Variants in HEATR4 observed in about 807,000 individuals in gnomAD.
HEATR4 encodes HEAT repeat-containing protein 4.
In HEATR4, 95 loss-of-function variants were observed where a neutral mutation model predicts 108.8. That is an observed-to-expected ratio of 0.87 (90% CI 0.74 to 1.04). The LOEUF (loss-of-function observed/expected upper bound fraction) is 1.04. HEATR4 is among the 50% of genes least tolerant of loss of function. HEATR4 has a pLI of 0.00. For synonymous variants in HEATR4, 443 were observed against 459.4 expected (o/e 0.96, Z 0.46); for missense variants, 1,152 against 1,253.8 (o/e 0.92, Z 1.23).
At chr14:73,579,807 C>G in the HEATR4 span, among the ~76,000 whole-genome samples, 1 of 151,926 alleles carries the variant, frequency 6.6e-6, no homozygotes, top group Non-Finnish European at 1.5e-5. Flanking sequence ...AAGTGTATAA[C>G]ATGGACCAGG....
the HEATR4 span, chr14:73,612,659 C>A: frequency 7.1e-7 from 1 of 1,410,608 alleles, no homozygotes; most frequent in Non-Finnish European, 9.2e-7. Context: ...GGCCCCGGAG[C>A]AGCCAGTCAC....
At chr14:73,519,309 C>T (rs1887828539) in intron 4 of HEATR4, 146 bp from the exon 5 acceptor site, 1 of 649,930 alleles carries the variant, frequency 1.5e-6, no homozygotes, top group African/African-American at 1.8e-5. Flanking sequence ...CTGGGGCATC[C>T]CTTGAAGGTG....
the HEATR4 span, chr14:73,596,477 ACACAGCGAGACCCCGTTTC>A: frequency 6.6e-6 from 1 of 152,104 alleles, no homozygotes; most frequent in Admixed American, 6.6e-5. Flanking sequence ...AGCCCAGGTA[ACACAGCGAGACCCCGTTTC>A]AAAAGAAAAA....
At chr14:73,580,067 C>T in the HEATR4 span, among the ~76,000 whole-genome samples, 6 of 151,982 alleles carry the variant, frequency 3.9e-5, no homozygotes, top group Admixed American at 3.9e-4. Flanking sequence ...TACTGCACTC[C>T]AGCCTGGACA....
At chr14:73,508,014 G>T (rs1285243846) in intron 9 of HEATR4, 120 bp downstream of exon 9, 4 of 921,472 alleles carry the variant, frequency 4.3e-6, no homozygotes, top group Non-Finnish European at 6.8e-6. Flanking sequence ...CCGAAGTGTT[G>T]GGATTACAGG....
At chr14:73,615,807 T>C in the HEATR4 span, among the ~76,000 whole-genome samples, 1 of 151,992 alleles carries the variant, frequency 6.6e-6, no homozygotes, top group African/African-American at 2.4e-5. Context: ...ATCCCAGCAC[T>C]TGAAGAGGCC....
rs144082393 is a variant in HEATR4 at position 73,514,563 on chromosome 14, C to T, written c.1211-329G>A. The stretch of plus-strand genomic sequence containing the variant: ...GGAACATAAATATGTTTATATGTAA[C>T]GAGATTTGCTCATAATATTTGATAC... On this transcript the variant is annotated intron_variant, in intron 5 of 17. Transcript: ENST00000553558. Among the ~76,000 whole-genome samples the T allele has an allele frequency of 3.5e-3, 527 of 152,186 alleles. 3 individuals carry two copies. Among genetic ancestry groups the T allele is most frequent in the African/African-American group, 0.012 (495 of 41,524 alleles).
the HEATR4 span, among the ~76,000 whole-genome samples, chr14:73,615,088 C>CA: frequency 0.52 from 72,719 of 141,122 alleles, 18,864 homozygotes; most frequent in East Asian, 0.84. Flanking sequence ...GACTCCATCT[C>CA]AAAAAAAAAA....
At chr14:73,598,217 C>CAAAAAAAAAAAAA in the HEATR4 span, among the ~76,000 whole-genome samples, 13 of 54,872 alleles carry the variant, frequency 2.4e-4, no homozygotes, top group East Asian at 1.1e-3. Context: ...ACTAAAAATA[C>CAAAAAAAAAAAAA]AAAAAAAAAA....
intron 17 of HEATR4, chr14:73,491,473 G>A: frequency 1.3e-6 from 2 of 1,491,044 alleles, no homozygotes; most frequent in Non-Finnish European, 1.8e-6. Context: ...TGTGCACCGC[G>A]CAACACTTAG....
chr14:73,491,003 T>C, intron 17 of HEATR4: 1 of 1,388,502 alleles, frequency 7.2e-7, no homozygotes. Flanking sequence ...CGGGGAAGAC[T>C]GGTGTGGTCT....
intron 1 of HEATR4, 51 bp downstream of exon 1, chr14:73,558,700 A>G (rs1405460242): frequency 6.6e-6 from 1 of 151,416 alleles, no homozygotes; most frequent in African/African-American, 2.4e-5. Context: ...CCCAGAGAGA[A>G]GAGAAATCAT....
chr14:73,576,428 T>G, the HEATR4 span, among the ~76,000 whole-genome samples: 1 of 152,020 alleles, frequency 6.6e-6, no homozygotes, highest in Non-Finnish European at 1.5e-5. Context: ...TATGGACTTT[T>G]AGGATTTGTT....
the HEATR4 span, among the ~76,000 whole-genome samples, chr14:73,605,077 AAAT>A: frequency 2.0e-5 from 3 of 152,110 alleles, no homozygotes; most frequent in African/African-American, 7.2e-5. Flanking sequence ...AAACGGAGAA[AAAT>A]AATTCAGTTA....
intron 17 of HEATR4, among the ~76,000 whole-genome samples, chr14:73,483,883 C>T (rs967778411): frequency 2.6e-5 from 4 of 151,556 alleles, no homozygotes; most frequent in African/African-American, 7.3e-5. Context: ...GACGGAGTCT[C>T]ATCTCTGTCA....
At chr14:73,515,432 C>A (rs1957050667) in intron 5 of HEATR4, among the ~76,000 whole-genome samples, 1 of 151,720 alleles carries the variant, frequency 6.6e-6, no homozygotes, top group South Asian at 2.1e-4. Context: ...GTAATCCCAG[C>A]ACTTTGGGAG....
intron 1 of HEATR4, among the ~76,000 whole-genome samples, chr14:73,558,275 A>G (rs1889433369): frequency 7.2e-6 from 1 of 139,506 alleles, no homozygotes; most frequent in Non-Finnish European, 1.5e-5. Flanking sequence ...CTACTTTCTA[A>G]TTTTTTACCA....
the HEATR4 span, chr14:73,569,962 A>T: frequency 1.3e-6 from 2 of 1,489,238 alleles, 1 homozygote; most frequent in Non-Finnish European, 1.8e-6. Flanking sequence ...CTTTTCGCTT[A>T]TGTGTATGCC....
chr14:73,551,960 A>G (rs1222407030), intron 1 of HEATR4, among the ~76,000 whole-genome samples: 2 of 113,084 alleles, frequency 1.8e-5, no homozygotes, highest in Non-Finnish European at 3.9e-5. Flanking sequence ...AGCACAGAGC[A>G]TGAGGGCAGC....
Sources: allele counts gnomAD v4.1 joint callset (sites outside exome capture counted in the v4.1 genomes callset), GRCh38; gene constraint gnomAD v4.1.1; transcripts MANE v1.5; gene names NCBI Gene and HGNC (gene_info 2026-07-23, HGNC 2026-07-21).